The following CC2D1A variants were observed in gnomAD, a reference collection of about 807,000 sequenced individuals.
CC2D1A encodes coiled-coil and C2 domain-containing protein 1A.
A neutral mutation model predicts 123.8 loss-of-function variants in CC2D1A; 68 were observed. That is an observed-to-expected ratio of 0.55 (90% confidence interval 0.45 to 0.67). The LOEUF (loss-of-function observed/expected upper bound fraction) is 0.67, where lower values mean the gene tolerates loss of function less well. Ranked by LOEUF, CC2D1A falls within the 30% of genes least tolerant of loss-of-function variation. CC2D1A has a pLI of 0.00. For synonymous variants in CC2D1A, 477 were observed against 528.0 expected, an observed-to-expected ratio of 0.90 and a Z score of 1.32; for missense variants, 1,185 against 1,290.3, an observed-to-expected ratio of 0.92 and a Z score of 1.25.
At chr19:13,925,929 A>AT (rs1555735780) in intron 17 of CC2D1A, among the ~76,000 whole-genome samples, 4 of 99,946 alleles carry the variant, frequency 4.0e-5, no homozygotes, top group African/African-American at 1.7e-4. Flanking sequence ...AAAAAAAAAA[A>AT]AAAAATATAT....
rs1555735374 is a variant in CC2D1A at position 13,923,843 on chromosome 19, G to T, written c.1940+32G>T. 6.6e-7 allele frequency: 1 copy of T among 1,513,948 alleles called. No homozygotes were observed. The highest frequency in any genetic ancestry group is 1.1e-5 in the South Asian group (1 of 88,976). The allele number at this position is 1,513,948 out of a possible 1,614,324, so 93.8% of individuals were successfully genotyped here. On this transcript the variant is annotated intron_variant, in intron 17 of 28. Transcript: ENST00000318003. The surrounding 1 kb of genome is among the most constrained non-coding windows in gnomAD (Gnocchi z 5.3). ...CTCCTGATCTACGCCCCACCACGTG[G>T]CCCCAGTGGCCCTTTGGTGGCGGTG...
chr19:13,918,732 C>A lies in CC2D1A; in HGVS notation c.947-14C>A. 1 of 1,608,150 alleles carries A rather than the reference C, an allele frequency of 6.2e-7. No homozygotes were observed. The highest frequency in any genetic ancestry group is 8.5e-7 in the Non-Finnish European group (1 of 1,176,958). ...TAACAAGCCCCTCATTGGCCTGGACCTCTCTGTCCCCAGACCAGCTGCCCC... is the reference window on the plus strand; with the variant it reads ...TAACAAGCCCCTCATTGGCCTGGACATCTCTGTCCCCAGACCAGCTGCCCC... On this transcript the variant is annotated splice_polypyrimidine_tract_variant and intron_variant, in intron 8 of 28. Coordinates refer to ENST00000318003, the MANE Select transcript of CC2D1A (RefSeq NM_017721.5).
At chr19:13,928,859 C>T (rs1294895087) in intron 24 of CC2D1A, among the ~76,000 whole-genome samples, 1 of 151,992 alleles carries the variant, frequency 6.6e-6, no homozygotes, top group Non-Finnish European at 1.5e-5. Context: ...CAGGCATGCG[C>T]CACCACACCC....
Position 13,930,373 on chromosome 19 carries a change from A to C in CC2D1A, c.2836-2A>C, listed in dbSNP as rs1971863757. The C allele has an allele frequency of 6.2e-7, 1 of 1,613,146 alleles. No homozygotes were observed. The highest frequency in any genetic ancestry group is 8.5e-7 in the Non-Finnish European group (1 of 1,179,520). On this transcript the variant is annotated splice_acceptor_variant, in intron 28 of 28. Coordinates refer to ENST00000318003, the MANE Select transcript of CC2D1A (RefSeq NM_017721.5). LOFTEE classifies it high-confidence loss of function. This position sits in a 1 kb window ranked among gnomAD's most constrained non-coding sequence, Gnocchi z 6.8. The stretch of plus-strand genomic sequence containing the variant: ...TGACCCCAGTGGCCTCCTCTCCCCC[A>C]GCTGCAGCGGCTCCGCAGGTGAGGA...
At chr19:13,922,707 C>T (rs1971450260) in intron 14 of CC2D1A, among the ~76,000 whole-genome samples, 1 of 152,146 alleles carries the variant, frequency 6.6e-6, no homozygotes, top group Admixed American at 6.5e-5. Context: ...GTCCCCAGCC[C>T]CAAAGCAGAG....
chr19:13,928,682 A>G (rs891560502), intron 24 of CC2D1A, among the ~76,000 whole-genome samples: 19 of 143,970 alleles, frequency 1.3e-4, no homozygotes, highest in Middle Eastern at 7.1e-3. Context: ...GTCTCCCACC[A>G]TACCCCCAGT....
chr19:13,918,482 A>T (rs1599389885), intron 7 of CC2D1A, 22 bp from the exon 8 acceptor site: 26 of 1,609,434 alleles, frequency 1.6e-5, no homozygotes, highest in Non-Finnish European at 2.2e-5. Flanking sequence ...CTCTTCTTCT[A>T]ATCTCCTCTT....
chr19:13,918,030 C>G, intron 6 of CC2D1A, 40 bp from the exon 7 acceptor site: 1 of 1,605,284 alleles, frequency 6.2e-7, no homozygotes, highest in South Asian at 1.1e-5. Flanking sequence ...GAACTTGGCC[C>G]AGGCCCTGGA....
At chr19:13,913,335 C>T (rs1971073895) in intron 5 of CC2D1A, 33 bp downstream of exon 5, 1 of 1,605,658 alleles carries the variant, frequency 6.2e-7, no homozygotes, top group Non-Finnish European at 8.5e-7. Flanking sequence ...ACAGGGACCC[C>T]CCGCCAACCC....
chr19:13,929,265 A>G, intron 24 of CC2D1A, 114 bp from the exon 25 acceptor site: 2 of 1,105,354 alleles, frequency 1.8e-6, no homozygotes, highest in Non-Finnish European at 2.7e-6. Context: ...TCCGCCTCCC[A>G]AAGTGCAGGG....
chr19:13,922,914 C>T (rs1397597963), intron 14 of CC2D1A, among the ~76,000 whole-genome samples: 2 of 152,138 alleles, frequency 1.3e-5, no homozygotes, highest in Non-Finnish European at 2.9e-5. Context: ...GAACAGAGGC[C>T]GGGCATGGTC....
chr19:13,910,785 C>T (rs1175025922), intron 2 of CC2D1A, among the ~76,000 whole-genome samples: 1 of 152,132 alleles, frequency 6.6e-6, no homozygotes, highest in Non-Finnish European at 1.5e-5. Context: ...GTGGCGAACA[C>T]CTGTAATCCC....
intron 14 of CC2D1A, among the ~76,000 whole-genome samples, chr19:13,922,045 A>G (rs1971428332): frequency 1.3e-5 from 2 of 152,180 alleles, no homozygotes; most frequent in South Asian, 2.1e-4. Flanking sequence ...CCTGTCATCC[A>G]GGCTGGAATG....
intron 1 of CC2D1A, among the ~76,000 whole-genome samples, chr19:13,909,337 C>T (rs1970909370): frequency 6.6e-6 from 1 of 151,714 alleles, no homozygotes; most frequent in East Asian, 1.9e-4. Flanking sequence ...GACTGCACCA[C>T]TGCACTCCAG....
At chr19:13,908,521 T>G (rs7256164) in intron 1 of CC2D1A, among the ~76,000 whole-genome samples, 2 of 151,170 alleles carry the variant, frequency 1.3e-5, no homozygotes, top group South Asian at 2.1e-4. Flanking sequence ...GGCTGGAGTT[T>G]GGTGGCGCAA....
At chr19:13,914,253 A>T (rs1467563688) in intron 6 of CC2D1A, among the ~76,000 whole-genome samples, 1 of 151,818 alleles carries the variant, frequency 6.6e-6, no homozygotes, top group Non-Finnish European at 1.5e-5. Flanking sequence ...AGCTCAGTGT[A>T]GCCTCAACCT....
Position 13,926,690 on chromosome 19 carries a change from G to A in CC2D1A, c.2038G>A (p.Val680Ile), listed in dbSNP as rs369751128. Residue 680 changes from valine (V) to isoleucine (I), a missense_variant, in exon 19 of 29, where the codon GTC becomes ATC. Coordinates refer to ENST00000318003, the MANE Select transcript of CC2D1A (RefSeq NM_017721.5). ...AGGACTGTCCCCTGGCGATCTGGAT[G>A]TCTTTGTTCGGTTTGACTTCCCCTA... ...PPGLSPGDLD[V>I]FVRFDFPYPN... is the part of the protein sequence containing the mutation. 3.1e-6 allele frequency: 5 copies of A among 1,614,184 alleles called. 1 individual carries two copies. In the South Asian group the frequency reaches 3.3e-5, roughly 11 times the overall value.
At chr19:13,913,068 G>A in intron 4 of CC2D1A, 100 bp from the exon 5 acceptor site, 1 of 1,277,324 alleles carries the variant, frequency 7.8e-7, no homozygotes, top group African/African-American at 1.5e-5. Flanking sequence ...AGGGGAGGCT[G>A]GTCCAGGGAT....
Position 13,923,790 on chromosome 19 carries a change from A to T in CC2D1A, c.1919A>T (p.Gln640Leu), listed in dbSNP as rs773328363. ...CCCACGCCCACCGCCCGCTTTGAGC[A>T]AAGGACCTTCAGCGTCATCAAGTAA... ...GLPTPTARFE[Q>L]RTFSVIKIFP... The change falls in exon 17 of 29, where the codon CAA (glutamine) becomes CTA (leucine). Residue 640 changes from glutamine to leucine, a missense_variant. Transcript: ENST00000318003. The surrounding 1 kb of genome is among the most constrained non-coding windows in gnomAD (Gnocchi z 5.3). The T allele has an allele frequency of 1.2e-6, 2 of 1,613,950 alleles. No homozygotes were observed. Among genetic ancestry groups the T allele is most frequent in the East Asian group, 2.2e-5 (1 of 44,878 alleles).
Sources: gnomAD v4.1 joint callset for allele counts (sites outside exome capture counted in the v4.1 genomes callset) on GRCh38, gnomAD v4.1.1 for gene constraint, Gnocchi (gnomAD v3.1) non-coding constraint, MANE v1.5 for transcripts, NCBI Gene and HGNC (gene_info 2026-07-23, HGNC 2026-07-21) for gene names.